The following DSC1 variants were observed in gnomAD, a reference collection of about 807,000 sequenced individuals.
DSC1 encodes desmocollin-1.
In DSC1, 79 loss-of-function variants were observed where a neutral mutation model predicts 98.8. The observed-to-expected ratio is 0.80, with a 90% CI of 0.67 to 0.96. The LOEUF (loss-of-function observed/expected upper bound fraction) is 0.96, where lower values mean the gene tolerates loss of function less well. DSC1 is among the 50% of genes least tolerant of loss of function. DSC1 has a pLI of 0.00. For missense variants in DSC1, 1,115 were observed against 1,075.9 expected (o/e 1.04, Z -0.51); for synonymous variants, 405 against 372.1 (o/e 1.09, Z -1.02).
Position 31,154,689 on chromosome 18 carries a change from TATA to T in DSC1, c.627+82_627+84del, listed in dbSNP as rs549032441. ...AATATTAAATCAAATAATTGATTCT[TATA>T]ATATGTAAACAAGCATAGTTGAAAA... On this transcript the variant is annotated intron_variant, in intron 5 of 15. Coordinates refer to ENST00000257198, the MANE Select transcript of DSC1 (RefSeq NM_024421.2). The T allele has an allele frequency of 1.4e-5, 17 of 1,177,848 alleles. 1 individual carries two copies. The South Asian group carries it at 2.3e-4, about 16-fold the overall frequency. The allele number at this position is 1,177,848 out of a possible 1,614,324, so 73.0% of individuals were successfully genotyped here.
intron 5 of DSC1, 96 bp from the exon 6 acceptor site, chr18:31,148,738 A>AG: frequency 7.9e-7 from 1 of 1,270,684 alleles, no homozygotes; most frequent in Non-Finnish European, 1.1e-6. Flanking sequence ...ATTAAAAAAA[A>AG]AAATCATTCC....
At chr18:31,156,266 A>G in intron 3 of DSC1, 104 bp from the exon 4 acceptor site, 1 of 1,373,040 alleles carries the variant, frequency 7.3e-7, no homozygotes, top group Non-Finnish European at 9.9e-7. Context: ...GTTACACATT[A>G]CAATATCATG....
intron 9 of DSC1, among the ~76,000 whole-genome samples, chr18:31,140,920 AG>A (rs1443698544): frequency 5.3e-5 from 8 of 152,162 alleles, no homozygotes; most frequent in Admixed American, 3.3e-4. Flanking sequence ...CTTGGGGGCC[AG>A]TCTTTCCTGT....
At chr18:31,143,568 C>A in intron 8 of DSC1, 89 bp downstream of exon 8, 1 of 1,056,014 alleles carries the variant, frequency 9.5e-7, no homozygotes, top group South Asian at 2.7e-5. Flanking sequence ...AACTGTCAAA[C>A]TTTGTGATCT....
rs552473757 is a variant in DSC1, at chr18:31,140,174, A to G, written c.1388T>C (p.Ile463Thr). ...GCATTCAGGGCCCTCATCACTGTCT[A>G]TAATTTTAACGGTGACAGTTGTAGT... ...MCTTTVTVKI[I>T]DSDEGPECHP... Residue 463 changes from isoleucine to threonine, a missense_variant, in exon 10 of 16, where the codon ATA becomes ACA. Transcript: ENST00000257198. 1.2e-6 allele frequency: 2 copies of G among 1,614,016 alleles called. No homozygotes were observed. Among genetic ancestry groups the G allele is most frequent in the African/African-American group, 1.3e-5 (1 of 75,030 alleles).
chr18:31,143,296 C>G (rs907202103), intron 8 of DSC1, among the ~76,000 whole-genome samples: 5 of 150,838 alleles, frequency 3.3e-5, no homozygotes, highest in African/African-American at 7.3e-5. Flanking sequence ...ATGTAAAGGA[C>G]ACCAGAGAGA....
chr18:31,141,543 T>A (rs550161712), intron 9 of DSC1, among the ~76,000 whole-genome samples: 1 of 152,258 alleles, frequency 6.6e-6, no homozygotes, highest in East Asian at 1.9e-4. Context: ...ATGGGAAAAG[T>A]TGCTGAATAT....
At chr18:31,139,972 A>G in intron 10 of DSC1, 70 bp downstream of exon 10, 1 of 1,565,924 alleles carries the variant, frequency 6.4e-7, no homozygotes, top group East Asian at 2.2e-5. Flanking sequence ...AAAATACATA[A>G]AACATTCATA....
intron 4 of DSC1, 67 bp downstream of exon 4, chr18:31,155,976 T>A (rs1989088951): frequency 1.3e-6 from 2 of 1,540,290 alleles, no homozygotes; most frequent in Non-Finnish European, 1.8e-6. Context: ...TGCTGTGCAA[T>A]TCAAATGAAA....
At chr18:31,137,198 TA>T (rs1988630010) in intron 11 of DSC1, among the ~76,000 whole-genome samples, 1 of 152,190 alleles carries the variant, frequency 6.6e-6, no homozygotes, top group Non-Finnish European at 1.5e-5. Context: ...ATTATTAAGC[TA>T]CAATATGCCT....
intron 3 of DSC1, among the ~76,000 whole-genome samples, chr18:31,156,433 C>A (rs546693768): frequency 6.6e-6 from 1 of 152,204 alleles, no homozygotes; most frequent in Non-Finnish European, 1.5e-5. Flanking sequence ...TATAAACTCC[C>A]CCTAAAATAG....
intron 5 of DSC1, among the ~76,000 whole-genome samples, 170 bp downstream of exon 5, chr18:31,154,604 T>C (rs1989058886): frequency 6.6e-6 from 1 of 152,210 alleles, no homozygotes; most frequent in South Asian, 2.1e-4. Flanking sequence ...TTATATCCAC[T>C]GTTTTTCCCC....
At chr18:31,153,569 C>A (rs1324796699) in intron 5 of DSC1, among the ~76,000 whole-genome samples, 1 of 152,084 alleles carries the variant, frequency 6.6e-6, no homozygotes, top group East Asian at 1.9e-4. Flanking sequence ...TATGAAACAT[C>A]TAAAGTGGAA....
chr18:31,136,266 A>T (rs1988606596), intron 11 of DSC1, among the ~76,000 whole-genome samples: 1 of 152,146 alleles, frequency 6.6e-6, no homozygotes, highest in Non-Finnish European at 1.5e-5. Flanking sequence ...GGCCTTATAA[A>T]GTAAAAAATT....
chr18:31,131,712 T>C lies in DSC1; in HGVS notation c.2369A>G (p.Asp790Gly). Residue 790 changes from aspartate to glycine, a missense_variant, in exon 15 of 16, where the codon GAT becomes GGT. Transcript: ENST00000257198. ...CTGATGTCCACCTCCTTTGTTGGAA[T>C]CCAAAGTGTAGCCTCCTTTGACCAT... Reference protein sequence around the residue: ...FEMVKGGYTLDSNKGGGHQTL... With the variant: ...FEMVKGGYTLGSNKGGGHQTL... 6.2e-7 allele frequency: 1 copy of C among 1,614,128 alleles called. No individual in the cohort carries two copies. Among genetic ancestry groups the C allele is most frequent in the Non-Finnish European group, 8.5e-7 (1 of 1,179,988 alleles).
At chr18:31,152,905 G>T (rs574605380) in intron 5 of DSC1, among the ~76,000 whole-genome samples, 1 of 105,822 alleles carries the variant, frequency 9.4e-6, no homozygotes, top group African/African-American at 3.5e-5. Context: ...TTTACATCTT[G>T]TTGCTATACC....
intron 5 of DSC1, 23 bp downstream of exon 5, chr18:31,154,751 A>T: frequency 6.4e-7 from 1 of 1,562,772 alleles, no homozygotes; most frequent in Non-Finnish European, 8.7e-7. Context: ...TATAATTATG[A>T]ATAAATATTT....
chr18:31,131,465 T>C (rs774176162), intron 15 of DSC1, 129 bp downstream of exon 15: 399 of 1,208,416 alleles, frequency 3.3e-4, no homozygotes, highest in Non-Finnish European at 4.2e-4. Context: ...GACATCCACA[T>C]CTATGATAAT....
At position 31,141,998 on chromosome 18, in the gene DSC1, C is replaced by T. The variant is rs1386726518; in HGVS notation, c.1260+1G>A. ...ATAGCCTGATTATTTTATTTGTTTACCTTGACAACACACAGCACTCCTTCA... is the reference window on the plus strand; with the variant it reads ...ATAGCCTGATTATTTTATTTGTTTATCTTGACAACACACAGCACTCCTTCA... On this transcript the variant is annotated splice_donor_variant, in intron 9 of 15. Coordinates refer to ENST00000257198, the MANE Select transcript of DSC1 (RefSeq NM_024421.2). LOFTEE classifies it high-confidence loss of function. 1.3e-6 allele frequency: 2 copies of T among 1,594,878 alleles called. No homozygotes were observed.
Sources: gnomAD v4.1 joint callset for allele counts (sites outside exome capture counted in the v4.1 genomes callset) on GRCh38, gnomAD v4.1.1 for gene constraint, MANE v1.5 for transcripts, NCBI Gene and HGNC (gene_info 2026-07-23, HGNC 2026-07-21) for gene names.